The following DRGX variants were observed in gnomAD, a reference collection of about 807,000 sequenced individuals.
DRGX encodes the protein dorsal root ganglia homeobox, also known as dorsal root ganglia homeobox protein.
DRGX carries 21 observed loss-of-function variants against 28.6 expected under a neutral mutation model. That is an observed-to-expected ratio of 0.73 (90% confidence interval 0.52 to 1.06). The LOEUF is 1.06. DRGX is among the 50% of genes least tolerant of loss of function. DRGX has a pLI of 0.00. For synonymous variants in DRGX, 136 were observed against 139.1 expected, an observed-to-expected ratio of 0.98 and a Z score of 0.16; for missense variants, 354 against 343.9, an observed-to-expected ratio of 1.03 and a Z score of -0.23.
chr10:49,390,311 CTG>C (rs1447509595), intron 3 of DRGX, 77 bp from the exon 4 acceptor site: 13 of 1,273,586 alleles, frequency 1.0e-5, no homozygotes, highest in African/African-American at 1.5e-5. Context: ...TTCAAATCTC[CTG>C]TGAGTGGTGA....
At chr10:49,392,363 C>T (rs1292204926) in intron 2 of DRGX, among the ~76,000 whole-genome samples, 1 of 152,206 alleles carries the variant, frequency 6.6e-6, no homozygotes, top group South Asian at 2.1e-4. Context: ...CCATCCAGGG[C>T]CACATCCTTT....
intron 2 of DRGX, among the ~76,000 whole-genome samples, chr10:49,393,728 C>T (rs1024770481): frequency 2.0e-5 from 3 of 152,226 alleles, no homozygotes; most frequent in African/African-American, 7.2e-5. Flanking sequence ...AGAATCACAT[C>T]TACAAAGGGA....
intron 6 of DRGX, among the ~76,000 whole-genome samples, chr10:49,382,389 G>T (rs1849786279): frequency 6.6e-6 from 1 of 152,172 alleles, no homozygotes; most frequent in Non-Finnish European, 1.5e-5. Context: ...CCCCGAGTTG[G>T]CTAGCAGCCC....
At chr10:49,367,472 C>T (rs1849613297) in intron 6 of DRGX, among the ~76,000 whole-genome samples, 1 of 152,220 alleles carries the variant, frequency 6.6e-6, no homozygotes, top group African/African-American at 2.4e-5. Context: ...GTTGTCAGGA[C>T]ATACTTAGTG....
chr10:49,386,117 G>A (rs192139247), intron 6 of DRGX, among the ~76,000 whole-genome samples: 1 of 152,232 alleles, frequency 6.6e-6, no homozygotes, highest in African/African-American at 2.4e-5. Context: ...AGGGAGCTGG[G>A]AGCAGGGATG....
intron 6 of DRGX, among the ~76,000 whole-genome samples, chr10:49,380,246 C>T (rs921994202): frequency 2.6e-5 from 4 of 152,262 alleles, no homozygotes; most frequent in Non-Finnish European, 5.9e-5. Context: ...TCCCACCTCA[C>T]ACCCAGCTCT....
chr10:49,385,580 T>C (rs538014549), intron 6 of DRGX, among the ~76,000 whole-genome samples: 1 of 152,288 alleles, frequency 6.6e-6, no homozygotes, highest in East Asian at 1.9e-4. Flanking sequence ...ACACTGTGTG[T>C]GTGTGTGTGT....
At position 49,368,197 on chromosome 10, in the gene DRGX, A is replaced by T. The variant is rs77966842; in HGVS notation, c.527-1816T>A. Among the ~76,000 whole-genome samples, 1,507 of 152,214 alleles carry T rather than the reference A, an allele frequency of 9.9e-3. 27 individuals are homozygous for T. Among genetic ancestry groups the T allele is most frequent in the African/African-American group, 0.035 (1,443 of 41,516 alleles). On this transcript the variant is annotated intron_variant, in intron 6 of 6. Transcript: ENST00000374139. ...TTCATCCCCCTCTCCAGGTAAGAAA[A>T]CTGAGGCTCCAGATTTGCACAGTTT... is the stretch of plus-strand genomic sequence containing the variant.
Position 49,369,774 on chromosome 10 carries a change from A to AT in DRGX, c.527-3394dup, listed in dbSNP as rs200767007. ...TTACCATAATCAAAAAGAAAATAAG[A>AT]TTTTTTTTTTTTTAAGTGTGCTGGC... is the stretch of plus-strand genomic sequence containing the variant. On this transcript the variant is annotated intron_variant, in intron 6 of 6. Transcript: ENST00000374139. Among the ~76,000 whole-genome samples, 346 of 138,852 alleles carry AT rather than the reference A, an allele frequency of 2.5e-3. 1 individual carries two copies. Among genetic ancestry groups the AT allele is most frequent in the African/African-American group, 8.0e-3 (264 of 32,932 alleles). 91.1% of individuals were successfully genotyped at this position (138,852 alleles called of 152,430 possible).
At chr10:49,390,550 A>G (rs1849891451) in intron 3 of DRGX, among the ~76,000 whole-genome samples, 2 of 152,216 alleles carry the variant, frequency 1.3e-5, no homozygotes, top group Non-Finnish European at 2.9e-5. Flanking sequence ...CACCTTATGA[A>G]CTGTTAGAGT....
At chr10:49,386,398 A>C (rs1590368763) in intron 6 of DRGX, 80 bp downstream of exon 6, 1 of 1,311,776 alleles carries the variant, frequency 7.6e-7, no homozygotes, top group East Asian at 2.6e-5. Context: ...AGGACGGCCG[A>C]GCCAAGACCC....
chr10:49,388,297 G>C (rs1307084051), intron 4 of DRGX, among the ~76,000 whole-genome samples: 1 of 152,060 alleles, frequency 6.6e-6, no homozygotes, highest in East Asian at 1.9e-4. Context: ...TGACTACAAA[G>C]AAAAAAGAAA....
At chr10:49,378,051 TTAA>T in intron 6 of DRGX, among the ~76,000 whole-genome samples, 1 of 152,088 alleles carries the variant, frequency 6.6e-6, no homozygotes, top group Non-Finnish European at 1.5e-5. Context: ...TGCAGTTGTT[TTAA>T]CATTTAAAAA....
intron 2 of DRGX, among the ~76,000 whole-genome samples, chr10:49,392,554 A>G (rs2132487749): frequency 6.6e-6 from 1 of 152,328 alleles, no homozygotes; most frequent in African/African-American, 2.4e-5. Context: ...TTTTTTTGAA[A>G]CAATGCACTT....
intron 2 of DRGX, among the ~76,000 whole-genome samples, chr10:49,393,074 A>G (rs1289532489): frequency 6.6e-6 from 1 of 152,184 alleles, no homozygotes; most frequent in Non-Finnish European, 1.5e-5. Flanking sequence ...ATATATTTGT[A>G]ATGTGTGCCA....
At chr10:49,393,097 A>G (rs1849928011) in intron 2 of DRGX, among the ~76,000 whole-genome samples, 1 of 152,216 alleles carries the variant, frequency 6.6e-6, no homozygotes, top group Non-Finnish European at 1.5e-5. Context: ...ATAGAAAAAA[A>G]AAGTGCTTCT....
intron 6 of DRGX, among the ~76,000 whole-genome samples, chr10:49,384,434 G>A (rs1849809695): frequency 6.6e-6 from 1 of 152,176 alleles, no homozygotes; most frequent in South Asian, 2.1e-4. Flanking sequence ...TGAGCACACT[G>A]TGGTTCCTGC....
chr10:49,380,418 T>C (rs1319962224), intron 6 of DRGX, among the ~76,000 whole-genome samples: 1 of 152,214 alleles, frequency 6.6e-6, no homozygotes, highest in Admixed American at 6.5e-5. Context: ...TCCTCTGCAT[T>C]AATGAATTGT....
At chr10:49,387,737 A>C (rs1755802232) in intron 4 of DRGX, among the ~76,000 whole-genome samples, 1 of 152,132 alleles carries the variant, frequency 6.6e-6, no homozygotes, top group African/African-American at 2.4e-5. Flanking sequence ...CATGGCCTAG[A>C]ATTTGGGACC....
Sources: allele counts gnomAD v4.1 joint callset (sites outside exome capture counted in the v4.1 genomes callset), GRCh38; gene constraint gnomAD v4.1.1; transcripts MANE v1.5; gene names NCBI Gene and HGNC (gene_info 2026-07-23, HGNC 2026-07-21).